SCN10A: variants seen among roughly 807,000 people sequenced by gnomAD.
The protein encoded by SCN10A is sodium channel protein type 10 subunit alpha.
In SCN10A, 162 loss-of-function variants were observed where a neutral mutation model predicts 170.7. The observed-to-expected ratio is 0.95, with a 90% CI of 0.84 to 1.08. The LOEUF (loss-of-function observed/expected upper bound fraction) is 1.08. Ranked by LOEUF, SCN10A falls within the 50% of genes least tolerant of loss-of-function variation. SCN10A has a pLI of 0.00. For synonymous variants in SCN10A, 985 were observed against 904.6 expected (o/e 1.09, Z -1.59); for missense variants, 2,527 against 2,436.9 (o/e 1.04, Z -0.78).
At chr3:38,722,463 T>C in intron 19 of SCN10A, 51 bp from the exon 20 acceptor site, 1 of 1,577,720 alleles carries the variant, frequency 6.3e-7, no homozygotes, top group East Asian at 2.2e-5. Context: ...GCAAAGGGGA[T>C]AATTTCTGCT....
At chr3:38,735,459 T>TCAGAAGACTG (rs2063551445) in intron 15 of SCN10A, among the ~76,000 whole-genome samples, 1 of 152,336 alleles carries the variant, frequency 6.6e-6, no homozygotes, top group South Asian at 2.1e-4. Context: ...TCTTCATAGA[T>TCAGAAGACTG]CAGAAGACTG....
chr3:38,757,997 G>T (rs760317521), intron 8 of SCN10A, among the ~76,000 whole-genome samples: 1 of 152,142 alleles, frequency 6.6e-6, no homozygotes, highest in Non-Finnish European at 1.5e-5. Flanking sequence ...GCAATGCCTC[G>T]TTTGAAGTCC....
Position 38,789,040 on chromosome 3 carries a change from A to C in SCN10A, c.390-4T>G. ...CGTAATAAATAAACTGAACCACCTG[A>C]AAGGCCTGTGTTAAGGAAAAGCTGA... On this transcript the variant is annotated splice_region_variant and splice_polypyrimidine_tract_variant and intron_variant, in intron 3 of 27. Transcript: ENST00000449082. 1 of 1,598,402 alleles carries C rather than the reference A, an allele frequency of 6.3e-7. No individual in the cohort carries two copies. Among genetic ancestry groups the C allele is most frequent in the Non-Finnish European group, 8.6e-7 (1 of 1,166,136 alleles).
chr3:38,796,827 T>C (rs976683792), intron 1 of SCN10A, among the ~76,000 whole-genome samples: 3 of 152,120 alleles, frequency 2.0e-5, no homozygotes, highest in Admixed American at 1.3e-4. Context: ...GATTTGTAAT[T>C]TCTGTTTGCC....
chr3:38,784,391 T>C (rs2064173357), intron 4 of SCN10A, among the ~76,000 whole-genome samples: 1 of 152,168 alleles, frequency 6.6e-6, no homozygotes, highest in Admixed American at 6.5e-5. Flanking sequence ...CACGTGATTA[T>C]CTCAATAGAT....
intron 1 of SCN10A, among the ~76,000 whole-genome samples, chr3:38,795,738 T>C (rs2064337439): frequency 6.6e-6 from 1 of 152,142 alleles, no homozygotes; most frequent in Non-Finnish European, 1.5e-5. Context: ...CTATCTTTTG[T>C]TTTCAGAATA....
chr3:38,774,254 C>T (rs2064044573), intron 4 of SCN10A, among the ~76,000 whole-genome samples: 1 of 152,230 alleles, frequency 6.6e-6, no homozygotes, highest in South Asian at 2.1e-4. Context: ...AAAATCTTAA[C>T]TCAGAATTAT....
chr3:38,697,564 C>G lies in SCN10A; in HGVS notation c.5656G>C (p.Ala1886Pro). The G allele has an allele frequency of 6.2e-7, 1 of 1,614,178 alleles. No homozygotes were observed. The highest frequency in any genetic ancestry group is 8.5e-7 in the Non-Finnish European group (1 of 1,180,026). The change falls in exon 28 of 28, where the codon GCT becomes CCT. Residue 1886 changes from alanine (A) to proline (P), a missense_variant. Transcript: ENST00000449082. Reference sequence around the variant, plus strand: ...AAACCTTCATCTGGGAGTGATGCAGCCTCCTCCTCAGCTCTGGGCACACAT... The same window carrying G: ...AAACCTTCATCTGGGAGTGATGCAGGCTCCTCCTCAGCTCTGGGCACACAT... Reference protein sequence around the residue: ...TPCVPRAEEEAASLPDEGFVA... With the variant: ...TPCVPRAEEEPASLPDEGFVA...
intron 1 of SCN10A, among the ~76,000 whole-genome samples, chr3:38,810,301 T>A (rs929072930): frequency 6.6e-6 from 1 of 152,336 alleles, no homozygotes; most frequent in South Asian, 2.1e-4. Flanking sequence ...GTGAACATTA[T>A]GTAAATGCCA....
intron 15 of SCN10A, among the ~76,000 whole-genome samples, chr3:38,730,666 TAAC>T (rs1265210727): frequency 6.7e-6 from 1 of 150,178 alleles, no homozygotes; most frequent in Non-Finnish European, 1.5e-5. Flanking sequence ...AAACTATAGA[TAAC>T]AATAACAAGT....
chr3:38,779,949 G>T (rs1483137543), intron 4 of SCN10A, among the ~76,000 whole-genome samples: 2 of 151,676 alleles, frequency 1.3e-5, no homozygotes, highest in African/African-American at 4.8e-5. Context: ...GATATGTTTG[G>T]TTTTTTGAAA....
chr3:38,698,570 A>G lies in SCN10A; in HGVS notation c.4658-8T>C, dbSNP rs750506837. The G allele has an allele frequency of 1.2e-6, 2 of 1,608,940 alleles. No individual in the cohort carries two copies. The highest frequency in any genetic ancestry group is 2.2e-5 in the South Asian group (2 of 90,946). ...TTGCAGAAAAAATCAGGCCTTTAAA[A>G]GAAGGAAGAAATTATCTAATTAGTA... On this transcript the variant is annotated splice_region_variant and splice_polypyrimidine_tract_variant and intron_variant, in intron 27 of 27. Transcript: ENST00000449082.
chr3:38,722,205 G>A (rs1392765759), intron 20 of SCN10A, 53 bp downstream of exon 20: 5 of 1,555,888 alleles, frequency 3.2e-6, no homozygotes, highest in Non-Finnish European at 4.4e-6. Flanking sequence ...CCTTTGGATT[G>A]TAGGAGATTC....
At chr3:38,751,675 T>C (rs1031069763) in intron 12 of SCN10A, among the ~76,000 whole-genome samples, 5 of 152,248 alleles carry the variant, frequency 3.3e-5, no homozygotes, top group Admixed American at 1.3e-4. Context: ...CACTCTGCGA[T>C]TATTCTATTA....
At chr3:38,789,144 G>A in intron 3 of SCN10A, 108 bp from the exon 4 acceptor site, 1 of 718,022 alleles carries the variant, frequency 1.4e-6, no homozygotes, top group Non-Finnish European at 2.5e-6. Context: ...GCCAATATTA[G>A]CTTTATGATC....
At chr3:38,761,593 T>C (rs2063872961) in intron 6 of SCN10A, among the ~76,000 whole-genome samples, 1 of 152,190 alleles carries the variant, frequency 6.6e-6, no homozygotes, top group Admixed American at 6.5e-5. Flanking sequence ...ATAAAGACGA[T>C]GCAACTGAGA....
chr3:38,785,906 T>A (rs760779022), intron 4 of SCN10A, among the ~76,000 whole-genome samples: 6 of 152,160 alleles, frequency 3.9e-5, no homozygotes, highest in Non-Finnish European at 7.3e-5. Flanking sequence ...ATTAGAGAAA[T>A]GCCAGTCAAA....
chr3:38,758,770 C>A (rs917494369), intron 8 of SCN10A, among the ~76,000 whole-genome samples: 1 of 152,178 alleles, frequency 6.6e-6, no homozygotes, highest in Non-Finnish European at 1.5e-5. Flanking sequence ...TCCACTCCCC[C>A]ACTGCCTGGC....
Position 38,793,941 on chromosome 3 carries a change from T to A in SCN10A, c.70A>T (p.Ile24Leu), listed in dbSNP as rs773989494. The A allele has an allele frequency of 2.5e-5, 40 of 1,613,920 alleles. No individual in the cohort carries two copies. The highest frequency in any genetic ancestry group is 2.9e-5 in the Non-Finnish European group (34 of 1,179,936). The change falls in exon 2 of 28, where the codon ATA becomes TTA. Residue 24 changes from isoleucine to leucine, a missense_variant. Ile to Leu is a conservative substitution (Grantham distance 5, BLOSUM62 2). Transcript: ENST00000449082. ...RRFTPESLVEIEKQIAAKQGT... is the reference protein window; with the variant it reads ...RRFTPESLVELEKQIAAKQGT... ...TGCTTGGCAGCAATTTGCTTCTCTA[T>A]CTCCACCAGTGACTCCGGAGTAAAG...
Sources: gnomAD v4.1 joint callset for allele counts (sites outside exome capture counted in the v4.1 genomes callset) on GRCh38, gnomAD v4.1.1 for gene constraint, MANE v1.5 for transcripts, NCBI Gene and HGNC (gene_info 2026-07-23, HGNC 2026-07-21) for gene names.